PCDHGB1: variants seen among roughly 807,000 people sequenced by gnomAD.
PCDHGB1 encodes the protein protocadherin gamma-B1.
In PCDHGB1, 34 loss-of-function variants were observed where a neutral mutation model predicts 56.6. The observed-to-expected ratio is 0.60, with a 90% confidence interval of 0.46 to 0.80. The LOEUF (loss-of-function observed/expected upper bound fraction) is 0.80. PCDHGB1 is among the 30% of genes least tolerant of loss of function. PCDHGB1 has a pLI of 0.00. For missense variants in PCDHGB1, 1,278 were observed against 1,204.6 expected, an observed-to-expected ratio of 1.06 and a Z score of -0.90; for synonymous variants, 561 against 505.9, an observed-to-expected ratio of 1.11 and a Z score of -1.46.
rs1193417991 is a variant in PCDHGB1 at position 141,491,413 on chromosome 5, G to C, written c.2410-3394G>C. 5.0e-6 allele frequency: 8 copies of C among 1,613,946 alleles called. No individual in the cohort carries two copies. Among genetic ancestry groups the C allele is most frequent in the African/African-American group, 1.3e-5 (1 of 74,906 alleles). ...CCTTCAGGGAAACGCAGACGGGGAC[G>C]GGGGTGGAGGGCAGTGCTGCAGGCG... On this transcript the variant is annotated intron_variant, in intron 1 of 3. Transcript: ENST00000523390. The surrounding 1 kb of genome is among the most constrained non-coding windows in gnomAD (Gnocchi z 6.9).
At position 141,494,885 on chromosome 5, in the gene PCDHGB1, G is replaced by T; in HGVS notation, c.2468+20G>T. The T allele has an allele frequency of 6.8e-6, 11 of 1,614,082 alleles. No homozygotes were observed. The highest frequency in any genetic ancestry group is 8.5e-6 in the Non-Finnish European group (10 of 1,179,992). Reference sequence around the variant, plus strand: ...CAGCGGGTAGGTGACTGATTCTCCAGCCCACCCTCTTCTCTGCGGCATTTT... The same window carrying T: ...CAGCGGGTAGGTGACTGATTCTCCATCCCACCCTCTTCTCTGCGGCATTTT... On this transcript the variant is annotated intron_variant, in intron 2 of 3. Transcript: ENST00000523390.
intron 1 of PCDHGB1, chr5:141,418,417 T>G: frequency 6.2e-7 from 1 of 1,614,002 alleles, no homozygotes; most frequent in Non-Finnish European, 8.5e-7. Flanking sequence ...AAGACAATCC[T>G]GATGGTGGCA....
At chr5:141,413,708 C>G in intron 1 of PCDHGB1, 1 of 1,613,664 alleles carries the variant, frequency 6.2e-7, no homozygotes, top group African/African-American at 1.3e-5. Flanking sequence ...CAGCTCAGCC[C>G]CAATAAGCAC....
Position 141,415,739 on chromosome 5 carries a change from GGTTTT to G in PCDHGB1, c.2409+63071_2409+63075del, listed in dbSNP as rs2095909931. ...ATGAGTAGAATTTGATGTTTATTAA[GGTTTT>G]TTTTTTTTTTTTTTTTTTTTTTTTT... On this transcript the variant is annotated intron_variant, in intron 1 of 3. Transcript: ENST00000523390. 124 of 435,052 alleles carry G rather than the reference GGTTTT, an allele frequency of 2.9e-4. No homozygotes were observed. The African/African-American group carries it at 3.6e-3, about 13-fold the overall frequency. 26.9% of individuals were successfully genotyped at this position (435,052 alleles called of 1,614,324 possible).
chr5:141,441,762 C>A (rs3805697), intron 1 of PCDHGB1: 10 of 374,012 alleles, frequency 2.7e-5, no homozygotes, highest in Non-Finnish European at 2.2e-5. Flanking sequence ...CGTGAGCCTG[C>A]GCGTGTTGGT....
intron 1 of PCDHGB1, chr5:141,421,199 A>C (rs991814876): frequency 2.0e-6 from 3 of 1,514,716 alleles, no homozygotes; most frequent in Non-Finnish European, 2.6e-6. Context: ...CAGCTCGAGA[A>C]ACCGCGGAAT....
intron 1 of PCDHGB1, among the ~76,000 whole-genome samples, chr5:141,469,859 A>C (rs2099213257): frequency 6.6e-6 from 1 of 152,080 alleles, no homozygotes; most frequent in Non-Finnish European, 1.5e-5. Context: ...GACCGGGTGC[A>C]ATGGCTCACG....
intron 1 of PCDHGB1, among the ~76,000 whole-genome samples, chr5:141,434,848 C>T (rs1224972794): frequency 6.6e-6 from 1 of 151,786 alleles, no homozygotes; most frequent in Non-Finnish European, 1.5e-5. Context: ...AAGCAGACAT[C>T]AATAAATTTA....
chr5:141,409,038 A>G (rs571756448), intron 1 of PCDHGB1: 9 of 1,614,026 alleles, frequency 5.6e-6, no homozygotes, highest in Non-Finnish European at 7.6e-6. Flanking sequence ...GAGATAAACT[A>G]CTACTTCCGA....
chr5:141,375,956 G>A (rs760158486), intron 1 of PCDHGB1: 16 of 1,613,506 alleles, frequency 9.9e-6, no homozygotes, highest in South Asian at 3.3e-5. Flanking sequence ...GCACACGGGC[G>A]AGGTGCGCAC....
At chr5:141,393,792 C>A (rs757880855) in intron 1 of PCDHGB1, 1 of 1,613,908 alleles carries the variant, frequency 6.2e-7, no homozygotes, top group Non-Finnish European at 8.5e-7. Flanking sequence ...TGTGGGGGCA[C>A]TTCTGGGGAG....
At chr5:141,353,031 T>C (rs978838558) in intron 1 of PCDHGB1, among the ~76,000 whole-genome samples, 31 of 152,172 alleles carry the variant, frequency 2.0e-4, no homozygotes, top group Non-Finnish European at 4.0e-4. Context: ...TTCTTCTCAT[T>C]GGTGTATAAG....
At chr5:141,503,555 C>T (rs1010409481) in intron 2 of PCDHGB1, among the ~76,000 whole-genome samples, 2 of 148,816 alleles carry the variant, frequency 1.3e-5, no homozygotes, top group African/African-American at 5.0e-5. Context: ...GCCGAGATCG[C>T]GCCACTGTAC....
Position 141,393,932 on chromosome 5 carries a change from C to A in PCDHGB1, c.2409+41263C>A, listed in dbSNP as rs758815375. 2.7e-5 allele frequency: 44 copies of A among 1,613,798 alleles called. No individual in the cohort carries two copies. Among genetic ancestry groups the A allele is most frequent in the Non-Finnish European group, 3.6e-5 (43 of 1,179,882 alleles). On this transcript the variant is annotated intron_variant, in intron 1 of 3. Coordinates refer to ENST00000523390, the MANE Select transcript of PCDHGB1 (RefSeq NM_018922.3). Reference sequence around the variant, plus strand: ...TAATTGCCTTCTTGAGTGTGCATGACCAAGACTCTGGAAAGAATGGTCAAG... The same window carrying A: ...TAATTGCCTTCTTGAGTGTGCATGAACAAGACTCTGGAAAGAATGGTCAAG...
chr5:141,419,361 T>C, intron 1 of PCDHGB1: 1 of 1,613,794 alleles, frequency 6.2e-7, no homozygotes, highest in Non-Finnish European at 8.5e-7. Context: ...TCACGAACGC[T>C]GTCGTCCTAC....
At chr5:141,414,640 G>A (rs1035735674) in intron 1 of PCDHGB1, 2 of 1,613,838 alleles carry the variant, frequency 1.2e-6, no homozygotes, top group Non-Finnish European at 1.7e-6. Flanking sequence ...CAAAGAGAAT[G>A]CCCAGATTAT....
At chr5:141,497,465 G>A (rs189158903) in intron 2 of PCDHGB1, among the ~76,000 whole-genome samples, 1 of 152,024 alleles carries the variant, frequency 6.6e-6, no homozygotes, top group East Asian at 1.9e-4. Flanking sequence ...TTGGAGATAT[G>A]GAGGAGAAGG....
intron 1 of PCDHGB1, chr5:141,356,198 T>G: frequency 6.2e-7 from 1 of 1,608,990 alleles, no homozygotes; most frequent in Non-Finnish European, 8.5e-7. Flanking sequence ...AGAAGCAAGG[T>G]ACTGGTGACA....
chr5:141,476,187 G>T lies in PCDHGB1; in HGVS notation c.2410-18620G>T. 1 of 1,613,782 alleles carries T rather than the reference G, an allele frequency of 6.2e-7. No individual in the cohort carries two copies. The highest frequency in any genetic ancestry group is 8.5e-7 in the Non-Finnish European group (1 of 1,180,028). ...GTAGTGGGAGTTTTGCTTCTGCTTG[G>T]TGCCTTGAACAAGGCTTCCACGGTC... On this transcript the variant is annotated intron_variant, in intron 1 of 3. Transcript: ENST00000523390. This position sits in a 1 kb window ranked among gnomAD's most constrained non-coding sequence, Gnocchi z 7.6.
Sources: allele counts gnomAD v4.1 joint callset (sites outside exome capture counted in the v4.1 genomes callset), GRCh38; gene constraint gnomAD v4.1.1; non-coding constraint Gnocchi (gnomAD v3.1); transcripts MANE v1.5; gene names NCBI Gene and HGNC (gene_info 2026-07-23, HGNC 2026-07-21).